ACYP2: variants seen among roughly 807,000 people sequenced by gnomAD.
The protein encoded by ACYP2 is acylphosphatase 2.
ACYP2 carries 12 observed loss-of-function variants against 11.2 expected under a neutral mutation model. The ratio of observed to expected loss-of-function variants is 1.08; its 90% confidence interval spans 0.69 to 1.74. ACYP2 has a LOEUF of 1.74. Among genes scored for constraint, ACYP2 ranks in the 40% most tolerant of loss-of-function variants. The pLI, the probability that ACYP2 is intolerant of heterozygous loss-of-function variation, is 0.00. For missense variants in ACYP2, 134 were observed against 101.9 expected, an observed-to-expected ratio of 1.31 and a Z score of -1.35; for synonymous variants, 43 against 32.2, an observed-to-expected ratio of 1.33 and a Z score of -1.13.
chr2:54,287,910 A>G (rs1384556782), intron 6 of ACYP2, among the ~76,000 whole-genome samples: 1 of 152,016 alleles, frequency 6.6e-6, no homozygotes, highest in Non-Finnish European at 1.5e-5. Flanking sequence ...CAGCACCCAC[A>G]GTATTGGGAA....
At chr2:53,972,665 TG>T (rs1166764038) in intron 1 of ACYP2, among the ~76,000 whole-genome samples, 1 of 152,136 alleles carries the variant, frequency 6.6e-6, no homozygotes, top group Admixed American at 6.5e-5. Context: ...CTGACAAGAT[TG>T]GGAACTGGAG....
chr2:54,264,146 G>A (rs62139258), intron 6 of ACYP2, among the ~76,000 whole-genome samples: 22,284 of 152,110 alleles, frequency 0.15, 1,630 homozygotes, highest in African/African-American at 0.18. Flanking sequence ...AGAAGGGTCC[G>A]GAGTTTCTTC....
intron 4 of ACYP2, among the ~76,000 whole-genome samples, chr2:54,088,897 A>G (rs1369518319): frequency 1.3e-5 from 2 of 152,208 alleles, no homozygotes; most frequent in Non-Finnish European, 2.9e-5. Flanking sequence ...ACCATAAAAC[A>G]TTCTATTCTA....
intron 2 of ACYP2, among the ~76,000 whole-genome samples, chr2:54,005,102 T>TTTAA (rs1672998198): frequency 6.6e-6 from 1 of 152,082 alleles, no homozygotes; most frequent in Non-Finnish European, 1.5e-5. Flanking sequence ...AAGCCTTAAA[T>TTTAA]TTAAGGTCAT....
chr2:54,094,207 A>C (rs1480456317), intron 4 of ACYP2, among the ~76,000 whole-genome samples: 3 of 151,978 alleles, frequency 2.0e-5, no homozygotes, highest in Admixed American at 6.6e-5. Context: ...GCAGAGAAGA[A>C]GACATGGTGG....
intron 2 of ACYP2, among the ~76,000 whole-genome samples, chr2:53,984,347 G>A (rs1671909669): frequency 6.6e-6 from 1 of 152,128 alleles, no homozygotes; most frequent in South Asian, 2.1e-4. Flanking sequence ...GGAGGCCGAG[G>A]CAGGTGCATC....
intron 6 of ACYP2, among the ~76,000 whole-genome samples, chr2:54,185,377 A>G (rs1683933990): frequency 6.6e-6 from 1 of 152,190 alleles, no homozygotes; most frequent in South Asian, 2.1e-4. Flanking sequence ...TGGATGGCAG[A>G]GCTGGAAGAT....
chr2:54,080,818 G>A (rs1677607494), intron 4 of ACYP2, among the ~76,000 whole-genome samples: 1 of 151,146 alleles, frequency 6.6e-6, no homozygotes, highest in Non-Finnish European at 1.5e-5. Flanking sequence ...TAGAGACAAG[G>A]TCTCACTCTG....
chr2:54,152,954 T>G (rs1682249500), intron 6 of ACYP2, among the ~76,000 whole-genome samples: 1 of 152,198 alleles, frequency 6.6e-6, no homozygotes, highest in Non-Finnish European at 1.5e-5. Context: ...CAAGCCACCA[T>G]GCTCAGCTGG....
intron 6 of ACYP2, among the ~76,000 whole-genome samples, chr2:54,179,930 G>T (rs941648377): frequency 6.6e-5 from 10 of 152,140 alleles, no homozygotes; most frequent in Admixed American, 6.5e-4. Flanking sequence ...CAGATTGGGG[G>T]CTCAGTCCCC....
intron 2 of ACYP2, among the ~76,000 whole-genome samples, chr2:54,045,329 C>T (rs565423628): frequency 5.9e-5 from 9 of 152,226 alleles, no homozygotes; most frequent in Non-Finnish European, 1.3e-4. Context: ...TCTTACTCAG[C>T]ACCCTGCAAC....
Position 54,304,705 on chromosome 2 carries a change from A to C in ACYP2, c.422A>C (p.Lys141Thr). The C allele has an allele frequency of 1.9e-6, 3 of 1,610,598 alleles. No individual in the cohort carries two copies. The South Asian group carries it at 3.3e-5, about 18-fold the overall frequency. The stretch of plus-strand genomic sequence containing the variant: ...TTTTATAGGAAGTCCTGGCTGAGCA[A>C]GGTTGGAAGCCCTAGTTCTCGCATT... Residue 141 changes from lysine (K) to threonine (T), a missense_variant, in exon 7 of 7, where the codon AAG (lysine) becomes ACG (threonine). Physicochemically the swap from Lys to Thr is moderately conservative, Grantham distance 78 (BLOSUM62 -1). Coordinates refer to ENST00000607452, the MANE Select transcript of ACYP2 (RefSeq NM_001320586.2).
chr2:53,984,107 C>T lies in ACYP2; in HGVS notation c.62+10297C>T, dbSNP rs1459252612. Among the ~76,000 whole-genome samples the T allele has an allele frequency of 2.6e-5, 4 of 151,994 alleles. No individual in the cohort carries two copies. The East Asian group carries it at 5.8e-4, about 22-fold the overall frequency. On this transcript the variant is annotated intron_variant, in intron 2 of 6. Coordinates refer to ENST00000607452, the MANE Select transcript of ACYP2 (RefSeq NM_001320586.2). ...ATCATCATCATCATAACAAAGGTAC[C>T]CAGCACATTGAAGAGGCAACCAGTG...
intron 2 of ACYP2, among the ~76,000 whole-genome samples, chr2:53,987,649 C>T (rs750049726): frequency 6.6e-6 from 1 of 152,186 alleles, no homozygotes; most frequent in Non-Finnish European, 1.5e-5. Flanking sequence ...CTGATGTTGT[C>T]ACTGCTTTTT....
chr2:54,177,073 A>G (rs1572893342), intron 6 of ACYP2, among the ~76,000 whole-genome samples: 5 of 152,162 alleles, frequency 3.3e-5, no homozygotes, highest in Middle Eastern at 3.2e-3. Context: ...TGGGATTATA[A>G]TACTTTGTTT....
At chr2:54,278,188 C>G (rs1192537530) in intron 6 of ACYP2, among the ~76,000 whole-genome samples, 1 of 152,154 alleles carries the variant, frequency 6.6e-6, no homozygotes, top group Admixed American at 6.5e-5. Flanking sequence ...CCGTGTTAGC[C>G]AGGATGGTCT....
chr2:54,082,123 T>C (rs1677688586), intron 4 of ACYP2, among the ~76,000 whole-genome samples: 2 of 152,234 alleles, frequency 1.3e-5, no homozygotes, highest in Non-Finnish European at 2.9e-5. Flanking sequence ...ATCACAGTAA[T>C]TAGGAGAAGG....
At chr2:53,989,533 G>A (rs921590643) in intron 2 of ACYP2, among the ~76,000 whole-genome samples, 1 of 151,974 alleles carries the variant, frequency 6.6e-6, no homozygotes, top group Non-Finnish European at 1.5e-5. Context: ...TGGCTGCCCA[G>A]CATCTGAACC....
intron 6 of ACYP2, among the ~76,000 whole-genome samples, chr2:54,155,412 A>G (rs1682384506): frequency 6.6e-6 from 1 of 152,178 alleles, no homozygotes; most frequent in South Asian, 2.1e-4. Flanking sequence ...TTTCTGATAG[A>G]CTGCAGGGGT....
Sources: allele counts gnomAD v4.1 joint callset (sites outside exome capture counted in the v4.1 genomes callset), GRCh38; gene constraint gnomAD v4.1.1; transcripts MANE v1.5; gene names NCBI Gene and HGNC (gene_info 2026-07-23, HGNC 2026-07-21).